ROBO2: variants seen among roughly 807,000 people sequenced by gnomAD.
The protein encoded by ROBO2 is roundabout homolog 2.
ROBO2 carries 53 observed loss-of-function variants against 160.8 expected under a neutral mutation model. The observed-to-expected ratio is 0.33, with a 90% CI of 0.26 to 0.41. ROBO2 has a LOEUF of 0.41. Among genes scored for constraint, ROBO2 ranks in the 10% least tolerant of loss-of-function variants. The pLI, the probability that ROBO2 is intolerant of heterozygous loss-of-function variation, is 1.00. For missense variants in ROBO2, 1,577 were observed against 1,722.4 expected, an observed-to-expected ratio of 0.92 and a Z score of 1.49; for synonymous variants, 664 against 611.7, an observed-to-expected ratio of 1.09 and a Z score of -1.26.
intron 2 of ROBO2, among the ~76,000 whole-genome samples, chr3:76,772,294 G>C (rs1212602535): frequency 6.6e-6 from 1 of 150,876 alleles, no homozygotes; most frequent in African/African-American, 2.4e-5. Flanking sequence ...GAAAAACAGA[G>C]TGCTTTCTCA....
chr3:76,566,412 C>T (rs1307040673), intron 2 of ROBO2, among the ~76,000 whole-genome samples: 1 of 152,248 alleles, frequency 6.6e-6, no homozygotes. Flanking sequence ...GGGATTTCCT[C>T]GGGCTTCTGT....
intron 2 of ROBO2, among the ~76,000 whole-genome samples, chr3:76,394,517 G>T (rs183143476): frequency 6.6e-6 from 1 of 152,244 alleles, no homozygotes; most frequent in East Asian, 1.9e-4. Context: ...GCATCCCTTT[G>T]TGGGTAAGCG....
At chr3:77,555,695 A>G (rs1349677594) in intron 8 of ROBO2, among the ~76,000 whole-genome samples, 1 of 151,960 alleles carries the variant, frequency 6.6e-6, no homozygotes, top group Non-Finnish European at 1.5e-5. Flanking sequence ...TCTTGTACTG[A>G]CAATAAATGT....
intron 2 of ROBO2, among the ~76,000 whole-genome samples, chr3:76,525,647 G>T (rs1176061148): frequency 6.6e-6 from 1 of 151,914 alleles, no homozygotes; most frequent in East Asian, 1.9e-4. Context: ...CAAAAAAGAG[G>T]TGCTTAATTT....
At chr3:76,674,428 C>T (rs1575867396) in intron 2 of ROBO2, among the ~76,000 whole-genome samples, 1 of 152,148 alleles carries the variant, frequency 6.6e-6, no homozygotes, top group South Asian at 2.1e-4. Context: ...AAGCAGGGAC[C>T]TCACAAGTCT....
At chr3:76,043,514 TG>T (rs1252507032) in intron 2 of ROBO2, among the ~76,000 whole-genome samples, 5 of 149,766 alleles carry the variant, frequency 3.3e-5, no homozygotes, top group Non-Finnish European at 7.4e-5. Context: ...GTAAAGACCA[TG>T]GCTGGAGAAG....
At position 77,397,154 on chromosome 3, in the gene ROBO2, C is replaced by G. The variant is rs560313536; in HGVS notation, c.389-80260C>G. On this transcript the variant is annotated intron_variant, in intron 2 of 25. Coordinates refer to ENST00000461745, the Ensembl canonical transcript of ROBO2. ...AAGTTTCTGGGGAAAAAATTGCTCTCTCACCCAAAAGAAAGTCCGTCTGTT... is the reference window on the plus strand; with the variant it reads ...AAGTTTCTGGGGAAAAAATTGCTCTGTCACCCAAAAGAAAGTCCGTCTGTT... 3.9e-4 allele frequency among the ~76,000 whole-genome samples: 59 copies of G among 152,144 alleles called. 1 individual carries two copies. In the South Asian group the frequency reaches 0.01, roughly 27 times the overall value.
chr3:76,036,947 C>A (rs188384769), intron 2 of ROBO2, among the ~76,000 whole-genome samples: 55 of 152,114 alleles, frequency 3.6e-4, no homozygotes, highest in African/African-American at 1.3e-3. Context: ...CGAACTTACC[C>A]ATGCTTGTTT....
chr3:76,654,456 A>C (rs1308745534), intron 2 of ROBO2, among the ~76,000 whole-genome samples: 1 of 152,168 alleles, frequency 6.6e-6, no homozygotes, highest in Non-Finnish European at 1.5e-5. Flanking sequence ...AACATGTTTT[A>C]ATCAGTGCAT....
At chr3:77,444,501 T>C (rs1399965111) in intron 2 of ROBO2, among the ~76,000 whole-genome samples, 1 of 152,174 alleles carries the variant, frequency 6.6e-6, no homozygotes, top group Admixed American at 6.5e-5. Context: ...TGTCTGTTGG[T>C]GTTTTTTAGT....
chr3:76,481,511 T>G (rs13326098), intron 2 of ROBO2, among the ~76,000 whole-genome samples: 3,065 of 152,216 alleles, frequency 0.02, 93 homozygotes, highest in African/African-American at 0.067. Context: ...TACTGCATGG[T>G]CAATGCATAT....
intron 2 of ROBO2, among the ~76,000 whole-genome samples, chr3:76,483,013 T>C (rs1172000626): frequency 6.6e-6 from 1 of 152,108 alleles, no homozygotes; most frequent in Admixed American, 6.6e-5. Context: ...GTATTTAAAG[T>C]GGTAAAATTC....
chr3:77,382,627 A>C (rs756344149), intron 2 of ROBO2, among the ~76,000 whole-genome samples: 1 of 152,100 alleles, frequency 6.6e-6, no homozygotes, highest in Non-Finnish European at 1.5e-5. Context: ...CTGCCTTTGC[A>C]TCCCCATAGC....
chr3:76,496,929 A>G (rs1316279311), intron 2 of ROBO2, among the ~76,000 whole-genome samples: 1 of 152,170 alleles, frequency 6.6e-6, no homozygotes, highest in Non-Finnish European at 1.5e-5. Context: ...TCATTACATA[A>G]TAGTCACAAT....
intron 2 of ROBO2, among the ~76,000 whole-genome samples, chr3:75,955,189 A>G (rs1175762262): frequency 6.6e-6 from 1 of 151,854 alleles, no homozygotes; most frequent in Non-Finnish European, 1.5e-5. Context: ...AACTTTCAAT[A>G]TGTATAATGA....
intron 2 of ROBO2, among the ~76,000 whole-genome samples, chr3:76,778,871 T>A (rs1576572788): frequency 1.3e-5 from 2 of 151,188 alleles, no homozygotes; most frequent in South Asian, 4.2e-4. Flanking sequence ...ATAATAGATG[T>A]GCATGATGAT....
At chr3:77,452,777 T>A (rs924038276) in intron 2 of ROBO2, among the ~76,000 whole-genome samples, 2 of 152,066 alleles carry the variant, frequency 1.3e-5, no homozygotes, top group Non-Finnish European at 1.5e-5. Flanking sequence ...ATGTTTTTTT[T>A]AAATAAAAAG....
chr3:76,565,336 A>C (rs1394203150), intron 2 of ROBO2, among the ~76,000 whole-genome samples: 1 of 152,190 alleles, frequency 6.6e-6, no homozygotes, highest in African/African-American at 2.4e-5. Flanking sequence ...ATAATGTGAA[A>C]ATATTTAACA....
intron 2 of ROBO2, among the ~76,000 whole-genome samples, chr3:76,283,165 T>TATATATATATATATATAAAA (rs1423898066): frequency 7.0e-6 from 1 of 142,876 alleles, no homozygotes; most frequent in South Asian, 2.3e-4. Context: ...ACTACATATA[T>TATATATATATATATATAAAA]ATAGTGACCC....
Sources: allele counts gnomAD v4.1 joint callset (sites outside exome capture counted in the v4.1 genomes callset), GRCh38; gene constraint gnomAD v4.1.1; transcripts MANE v1.5; gene names NCBI Gene and HGNC (gene_info 2026-07-23, HGNC 2026-07-21).